CHSY1: variants seen among roughly 807,000 people sequenced by gnomAD.
CHSY1 encodes chondroitin sulfate synthase 1.
A neutral mutation model predicts 59.8 loss-of-function variants in CHSY1; 13 were observed. The observed-to-expected ratio is 0.22, with a 90% CI of 0.14 to 0.35. The LOEUF is 0.35. CHSY1 is among the 10% of genes least tolerant of loss of function. The pLI is 1.00. For missense variants in CHSY1, 947 were observed against 1,030.6 expected (o/e 0.92, Z 1.11); for synonymous variants, 459 against 401.2 (o/e 1.14, Z -1.72).
chr15:101,224,470 C>A (rs995885742), intron 2 of CHSY1, among the ~76,000 whole-genome samples: 4 of 152,196 alleles, frequency 2.6e-5, no homozygotes, highest in Non-Finnish European at 4.4e-5. Flanking sequence ...TCCATAACAT[C>A]ACTAAATCAT....
In CHSY1 at chr15:101,178,833, G is replaced by C. The variant is rs759168955; in HGVS notation, c.964C>G (p.Arg322Gly). ...CGATGGCGGAGCTCGGATATCTTGCGGCTCAGCATGTAGCTGTGGAGCCTG... is the reference window on the plus strand; with the variant it reads ...CGATGGCGGAGCTCGGATATCTTGCCGCTCAGCATGTAGCTGTGGAGCCTG... ...QYRLHSYMLS[R>G]KISELRHRTI... The change falls in exon 3 of 3, where the codon CGC (arginine) becomes GGC (glycine). Residue 322 changes from arginine to glycine, a missense_variant. By Grantham distance (125) the Arg-to-Gly change is moderately radical. Around this residue, in one of 4 missense-constraint regions of CHSY1, gnomAD observed 602 missense variants for 676.9 expected, o/e 0.89. Coordinates refer to ENST00000254190, the MANE Select transcript of CHSY1 (RefSeq NM_014918.5). 6.2e-7 allele frequency: 1 copy of C among 1,614,166 alleles called. No homozygotes were observed. The highest frequency in any genetic ancestry group is 1.1e-5 in the South Asian group (1 of 91,086).
At chr15:101,188,074 G>A (rs976287612) in intron 2 of CHSY1, 1 of 985,296 alleles carries the variant, frequency 1.0e-6, no homozygotes, top group Non-Finnish European at 1.2e-6. Context: ...CGTTCTTCCT[G>A]TTAACTGTTT....
chr15:101,239,473 G>A (rs1337652550), intron 1 of CHSY1, among the ~76,000 whole-genome samples: 1 of 152,214 alleles, frequency 6.6e-6, no homozygotes, highest in Non-Finnish European at 1.5e-5. Flanking sequence ...GCTCCACTTG[G>A]GACAAGTTAC....
intron 2 of CHSY1, among the ~76,000 whole-genome samples, chr15:101,232,797 G>A (rs956630925): frequency 1.3e-5 from 2 of 152,214 alleles, no homozygotes; most frequent in Non-Finnish European, 2.9e-5. Context: ...AACAGGCAAG[G>A]CAGCTCACAG....
chr15:101,230,506 A>G (rs1478043011), intron 2 of CHSY1, among the ~76,000 whole-genome samples: 2 of 152,332 alleles, frequency 1.3e-5, no homozygotes, highest in East Asian at 1.9e-4. Context: ...ACATGAATAC[A>G]TTAAACCATA....
intron 1 of CHSY1, among the ~76,000 whole-genome samples, chr15:101,236,211 G>A (rs11631804): frequency 0.27 from 41,584 of 152,080 alleles, 7,393 homozygotes; most frequent in African/African-American, 0.51. Context: ...GCACGAGAGC[G>A]CTGTCATGAG....
intron 2 of CHSY1, among the ~76,000 whole-genome samples, chr15:101,204,568 T>G (rs1048090045): frequency 5.3e-5 from 8 of 151,346 alleles, no homozygotes; most frequent in African/African-American, 1.9e-4. Context: ...TTAAGTTAAA[T>G]TTTTTCAAAA....
intron 2 of CHSY1, among the ~76,000 whole-genome samples, chr15:101,196,418 C>T (rs369645718): frequency 9.2e-5 from 14 of 152,138 alleles, no homozygotes; most frequent in Admixed American, 5.9e-4. Context: ...GGAAGGTTTA[C>T]GGCATAACCC....
chr15:101,244,256 G>C (rs544048209), intron 1 of CHSY1, among the ~76,000 whole-genome samples: 2 of 152,268 alleles, frequency 1.3e-5, no homozygotes, highest in East Asian at 3.9e-4. Flanking sequence ...AGATACAAAA[G>C]CTGAGGCCCC....
intron 2 of CHSY1, among the ~76,000 whole-genome samples, chr15:101,201,114 T>G (rs1596439268): frequency 8.1e-5 from 2 of 24,566 alleles, no homozygotes; most frequent in African/African-American, 1.5e-4. Flanking sequence ...GTGGGGGCGG[T>G]GCGGGGGGAG....
At chr15:101,230,601 C>T (rs1237994643) in intron 2 of CHSY1, among the ~76,000 whole-genome samples, 1 of 151,546 alleles carries the variant, frequency 6.6e-6, no homozygotes, top group East Asian at 1.9e-4. Context: ...TGAAAAATAC[C>T]CCAGGCTTCT....
At chr15:101,242,591 AAG>A (rs1219993071) in intron 1 of CHSY1, 2 of 152,338 alleles carry the variant, frequency 1.3e-5, no homozygotes, top group African/African-American at 2.4e-5. Flanking sequence ...TTCATCCTCC[AAG>A]AGAGTACACG....
intron 2 of CHSY1, among the ~76,000 whole-genome samples, chr15:101,183,260 T>G (rs563574743): frequency 6.6e-6 from 1 of 152,248 alleles, no homozygotes; most frequent in South Asian, 2.1e-4. Context: ...GTCAGGTGCC[T>G]GGGTTAAACT....
chr15:101,241,350 A>C (rs150731597), intron 1 of CHSY1, among the ~76,000 whole-genome samples: 314 of 152,304 alleles, frequency 2.1e-3, no homozygotes, highest in African/African-American at 7.3e-3. Context: ...CGGCCTCCCA[A>C]AGGGCTGGGA....
At chr15:101,215,321 C>T (rs1417391343) in intron 2 of CHSY1, among the ~76,000 whole-genome samples, 1 of 152,180 alleles carries the variant, frequency 6.6e-6, no homozygotes, top group Non-Finnish European at 1.5e-5. Flanking sequence ...GAGCCTACAT[C>T]ATCAGATACA....
In CHSY1 at chr15:101,251,587, G is replaced by GGCCCGCCGC. The variant is rs1173305598; in HGVS notation, c.-140_-132dup. 1.4e-5 allele frequency: 2 copies of GGCCCGCCGC among 147,026 alleles called. No individual in the cohort carries two copies. Among genetic ancestry groups the GGCCCGCCGC allele is most frequent in the Non-Finnish European group, 3.0e-5 (2 of 67,356 alleles). 9.1% of individuals were successfully genotyped at this position (147,026 alleles called of 1,614,324 possible). A position where few individuals can be genotyped will look rare whatever the true frequency, so the allele number is the denominator to read the frequency against. ...CCCGGGCAGCGCCGCCGCCGCCGCG[G>GGCCCGCCGC]GCCCGCCGCGCCCATCGCGGCCCCC... On this transcript the variant is annotated 5_prime_UTR_variant, in exon 1 of 3. Coordinates refer to ENST00000254190, the MANE Select transcript of CHSY1 (RefSeq NM_014918.5).
intron 2 of CHSY1, among the ~76,000 whole-genome samples, chr15:101,220,325 G>A (rs984453238): frequency 1.3e-5 from 2 of 152,020 alleles, no homozygotes; most frequent in South Asian, 2.1e-4. Flanking sequence ...CTAACTGCCC[G>A]TGTACTTAAA....
chr15:101,199,571 C>A (rs967855962), intron 2 of CHSY1, among the ~76,000 whole-genome samples: 1 of 152,128 alleles, frequency 6.6e-6, no homozygotes, highest in Non-Finnish European at 1.5e-5. Flanking sequence ...ACTGGTTGCG[C>A]AACTTACATA....
chr15:101,196,031 T>G (rs1442286682), intron 2 of CHSY1, among the ~76,000 whole-genome samples: 1 of 151,786 alleles, frequency 6.6e-6, no homozygotes, highest in African/African-American at 2.4e-5. Flanking sequence ...GGTGAATCAC[T>G]TGAGGTCAGG....
Sources: gnomAD v4.1 joint callset for allele counts (sites outside exome capture counted in the v4.1 genomes callset) on GRCh38, gnomAD v4.1.1 for gene constraint, gnomAD v4.1.1 regional missense constraint, MANE v1.5 for transcripts, NCBI Gene and HGNC (gene_info 2026-07-23, HGNC 2026-07-21) for gene names.